Variants in JAK2 observed in about 807,000 individuals in gnomAD.
The protein encoded by JAK2 is tyrosine-protein kinase JAK2.
In JAK2, 86 loss-of-function variants were observed where a neutral mutation model predicts 139.3. The observed-to-expected ratio is 0.62, with a 90% CI of 0.52 to 0.74. The LOEUF is 0.74. JAK2 is among the 30% of genes least tolerant of loss of function. The probability of loss-of-function intolerance (pLI) is 0.00; values close to 1 mark genes in which losing one functional copy is unlikely to be tolerated. For synonymous variants in JAK2, 490 were observed against 437.7 expected (o/e 1.12, Z -1.49); for missense variants, 1,421 against 1,360.3 (o/e 1.04, Z -0.70).
intron 2 of JAK2, among the ~76,000 whole-genome samples, chr9:5,006,048 G>A (rs886999310): frequency 1.1e-4 from 17 of 152,202 alleles, no homozygotes; most frequent in Non-Finnish European, 2.4e-4. Context: ...TTGGTAGCTT[G>A]ATGGGGATGG....
chr9:5,111,203 T>C, intron 22 of JAK2: 1 of 636,450 alleles, frequency 1.6e-6, no homozygotes, highest in South Asian at 1.5e-5. Context: ...GGACCGGGAC[T>C]CGGAGGCAAG....
In JAK2 at chr9:5,054,462, C is replaced by G; in HGVS notation, c.615-101C>G. The G allele has an allele frequency of 2.1e-6, 2 of 974,918 alleles. No homozygotes were observed. The highest frequency in any genetic ancestry group is 3.1e-6 in the Non-Finnish European group (2 of 649,728). The allele number at this position is 974,918 out of a possible 1,614,324, so 60.4% of individuals were successfully genotyped here. On this transcript the variant is annotated intron_variant, in intron 6 of 24. Coordinates refer to ENST00000381652, the MANE Select transcript of JAK2 (RefSeq NM_004972.4). This position sits in a 1 kb window ranked among gnomAD's most constrained non-coding sequence, Gnocchi z 4.9. ...CTTGGCCACTGTGTTGTAAGGCCTA[C>G]TTAATCATGGAAAAAGGTGGTAACT...
chr9:5,055,582 T>A, intron 7 of JAK2, 87 bp from the exon 8 acceptor site: 1 of 1,050,684 alleles, frequency 9.5e-7, no homozygotes. Context: ...TTAAAGAATT[T>A]GGAAAGAATG....
chr9:5,021,189 G>A (rs116795039), intron 2 of JAK2, among the ~76,000 whole-genome samples: 428 of 152,178 alleles, frequency 2.8e-3, no homozygotes, highest in African/African-American at 1.0e-2. Flanking sequence ...CTCCTTCCTT[G>A]CATTAGGTGT....
At chr9:5,053,071 C>T (rs1354513857) in intron 6 of JAK2, among the ~76,000 whole-genome samples, 4 of 152,060 alleles carry the variant, frequency 2.6e-5, no homozygotes, top group Non-Finnish European at 5.9e-5. Flanking sequence ...AACTGCTTAA[C>T]TTTTCAAAAG....
intron 19 of JAK2, among the ~76,000 whole-genome samples, chr9:5,083,002 T>A (rs758245739): frequency 3.3e-5 from 5 of 152,220 alleles, no homozygotes; most frequent in Non-Finnish European, 7.3e-5. Flanking sequence ...TCCCTATAAC[T>A]GAAGAACTTT....
chr9:4,984,934 G>A (rs1214832989), upstream of JAK2: 1 of 152,294 alleles, frequency 6.6e-6, no homozygotes, highest in Non-Finnish European at 1.5e-5. Flanking sequence ...GCCGTCCCAG[G>A]AATCTCCACG....
chr9:5,093,614 G>GAT (rs1820752219), intron 22 of JAK2, among the ~76,000 whole-genome samples: 1 of 152,038 alleles, frequency 6.6e-6, no homozygotes, highest in Non-Finnish European at 1.5e-5. Flanking sequence ...TAAAAATTTT[G>GAT]GTTGGGGTGA....
rs1240864285 is a variant in JAK2, at chr9:5,030,928, A to G, written c.350+1022A>G. ...TCAAAGAAATAATAGATGTACAAAA[A>G]TCAACAGCATTCTTATATGCAAGCA... On this transcript the variant is annotated intron_variant, in intron 4 of 24. Transcript: ENST00000381652. 2.6e-5 allele frequency among the ~76,000 whole-genome samples: 4 copies of G among 152,180 alleles called. No homozygotes were observed. In the East Asian group the frequency reaches 7.7e-4, roughly 29 times the overall value.
In JAK2 at chr9:5,128,171, G is replaced by C. The variant is rs1318716159; in HGVS notation, c.*1380G>C. The C allele has an allele frequency of 4.3e-6, 1 of 230,092 alleles. No individual in the cohort carries two copies. The highest frequency in any genetic ancestry group is 6.1e-5 in the East Asian group (1 of 16,478). 14.3% of individuals were successfully genotyped at this position (230,092 alleles called of 1,614,324 possible). A position where few individuals can be genotyped will look rare whatever the true frequency, so the allele number is the denominator to read the frequency against. On this transcript the variant is annotated 3_prime_UTR_variant, in exon 25 of 25. Transcript: ENST00000381652. ...TGCTGTTTTGATTAAAAAGAAAATA[G>C]TTTCTTACTTTATTTTTACTGGTAT...
At chr9:4,987,697 C>G (rs1242187802) in intron 2 of JAK2, among the ~76,000 whole-genome samples, 3 of 84,178 alleles carry the variant, frequency 3.6e-5, no homozygotes, top group Non-Finnish European at 7.3e-5. Context: ...GATCTCACCA[C>G]TGCACTCCAG....
intron 2 of JAK2, among the ~76,000 whole-genome samples, chr9:5,004,051 A>G (rs1821105245): frequency 1.3e-5 from 2 of 152,198 alleles, no homozygotes; most frequent in Admixed American, 1.3e-4. Context: ...GGTGTACAAC[A>G]TGACATTTTG....
At chr9:5,048,697 C>T (rs1817202523) in intron 5 of JAK2, among the ~76,000 whole-genome samples, 1 of 151,960 alleles carries the variant, frequency 6.6e-6, no homozygotes, top group African/African-American at 2.4e-5. Flanking sequence ...ATGAAAATAT[C>T]TTCTATATTT....
chr9:5,087,725 C>G (rs141801369), intron 19 of JAK2, among the ~76,000 whole-genome samples: 1 of 152,156 alleles, frequency 6.6e-6, no homozygotes, highest in Non-Finnish European at 1.5e-5. Flanking sequence ...CAAATGGTAA[C>G]CACTGCCAGA....
chr9:5,115,775 G>T (rs1290484205), intron 22 of JAK2, among the ~76,000 whole-genome samples: 1 of 152,176 alleles, frequency 6.6e-6, no homozygotes, highest in Non-Finnish European at 1.5e-5. Context: ...CAAAGATGAA[G>T]CTAGAAACCA....
intron 7 of JAK2, among the ~76,000 whole-genome samples, 174 bp from the exon 8 acceptor site, chr9:5,055,495 C>A (rs1422867079): frequency 6.6e-6 from 1 of 151,948 alleles, no homozygotes; most frequent in Non-Finnish European, 1.5e-5. Flanking sequence ...AAGCAAGATA[C>A]AGCATAGTCT....
chr9:5,112,856 C>G, intron 22 of JAK2: 1 of 473,472 alleles, frequency 2.1e-6, no homozygotes, highest in Non-Finnish European at 3.4e-6. Context: ...GTGAAAGGTA[C>G]GCCTCCGTGG....
intron 4 of JAK2, among the ~76,000 whole-genome samples, chr9:5,038,994 C>G (rs1250912171): frequency 6.6e-6 from 1 of 151,974 alleles, no homozygotes; most frequent in East Asian, 1.9e-4. Context: ...ATAGGAATGG[C>G]AAGGAACTTC....
chr9:4,997,074 G>A (rs937263565), intron 2 of JAK2, among the ~76,000 whole-genome samples: 4 of 151,680 alleles, frequency 2.6e-5, no homozygotes, highest in Non-Finnish European at 2.9e-5. Flanking sequence ...CACTGCAGGC[G>A]AGTGCCACTA....
Sources: allele counts gnomAD v4.1 joint callset (sites outside exome capture counted in the v4.1 genomes callset), GRCh38; gene constraint gnomAD v4.1.1; non-coding constraint Gnocchi (gnomAD v3.1); transcripts MANE v1.5; gene names NCBI Gene and HGNC (gene_info 2026-07-23, HGNC 2026-07-21).